Variants in RIMS2 observed in about 807,000 individuals in gnomAD.
RIMS2 encodes regulating synaptic membrane exocytosis protein 2.
A neutral mutation model predicts 174.4 loss-of-function variants in RIMS2; 59 were observed. That is an observed-to-expected ratio of 0.34 (90% CI 0.27 to 0.42). The LOEUF is 0.42. Among genes scored for constraint, RIMS2 ranks in the 10% least tolerant of loss-of-function variants. The pLI, the probability that RIMS2 is intolerant of heterozygous loss-of-function variation, is 1.00. For missense variants in RIMS2, 1,620 were observed against 1,666.3 expected (o/e 0.97, Z 0.48); for synonymous variants, 606 against 572.5 (o/e 1.06, Z -0.84).
At chr8:104,160,364 A>G (rs765561463) in intron 19 of RIMS2, among the ~76,000 whole-genome samples, 2 of 152,176 alleles carry the variant, frequency 1.3e-5, no homozygotes, top group Non-Finnish European at 2.9e-5. Flanking sequence ...TAACAATTTA[A>G]TCTCTTTAGA....
At chr8:103,837,764 T>A (rs1357215418) in intron 3 of RIMS2, among the ~76,000 whole-genome samples, 1 of 152,104 alleles carries the variant, frequency 6.6e-6, no homozygotes, top group African/African-American at 2.4e-5. Flanking sequence ...TCTATCATTG[T>A]TGGACATTTG....
chr8:103,667,278 A>C (rs972421402), intron 1 of RIMS2, among the ~76,000 whole-genome samples: 1 of 152,226 alleles, frequency 6.6e-6, no homozygotes, highest in Non-Finnish European at 1.5e-5. Context: ...ATTTTATTGG[A>C]TGTAGCATAA....
chr8:103,630,652 A>T (rs901605803), intron 1 of RIMS2, among the ~76,000 whole-genome samples: 2 of 151,878 alleles, frequency 1.3e-5, no homozygotes, highest in African/African-American at 4.8e-5. Flanking sequence ...TTGAAAGACT[A>T]TGATAAGTCA....
chr8:103,636,345 A>C (rs1371733925), intron 1 of RIMS2, among the ~76,000 whole-genome samples: 1 of 152,114 alleles, frequency 6.6e-6, no homozygotes, highest in Non-Finnish European at 1.5e-5. Context: ...AATTGTAAGT[A>C]TCTATCACTC....
chr8:103,877,199 A>G (rs1458704173), intron 3 of RIMS2, among the ~76,000 whole-genome samples: 1 of 151,382 alleles, frequency 6.6e-6, no homozygotes, highest in Non-Finnish European at 1.5e-5. Flanking sequence ...CTGCATCTAC[A>G]CCAACATTTA....
intron 4 of RIMS2, among the ~76,000 whole-genome samples, chr8:103,891,026 AT>A: frequency 6.6e-6 from 1 of 152,090 alleles, no homozygotes; most frequent in East Asian, 1.9e-4. Context: ...AGCCAGAAAT[AT>A]CCCCAGACAT....
intron 3 of RIMS2, among the ~76,000 whole-genome samples, chr8:103,805,376 T>C (rs2098643345): frequency 1.3e-5 from 2 of 152,128 alleles, no homozygotes; most frequent in Non-Finnish European, 2.9e-5. Context: ...GCAGCTACTC[T>C]TGTTTTTTTA....
At position 103,918,493 on chromosome 8, in the gene RIMS2, T is replaced by C; in HGVS notation, c.2083+6T>C. On this transcript the variant is annotated splice_donor_region_variant and intron_variant, in intron 9 of 23. Transcript: ENST00000504942. ...ACATGCACAACTGGAGTCCAGTAAG[T>C]TTTATTTATGCTGGAAGAAAACGTT... is the stretch of plus-strand genomic sequence containing the variant. 1 of 1,593,864 alleles carries C rather than the reference T, an allele frequency of 6.3e-7. No individual in the cohort carries two copies. Among genetic ancestry groups the C allele is most frequent in the Non-Finnish European group, 8.6e-7 (1 of 1,162,150 alleles).
At chr8:104,233,084 G>A (rs956167108) in intron 19 of RIMS2, among the ~76,000 whole-genome samples, 1 of 152,042 alleles carries the variant, frequency 6.6e-6, no homozygotes, top group African/African-American at 2.4e-5. Flanking sequence ...AGACAAGAAC[G>A]GGGGGAAATC....
intron 16 of RIMS2, among the ~76,000 whole-genome samples, chr8:103,986,990 T>C (rs1217607832): frequency 2.6e-5 from 4 of 152,040 alleles, no homozygotes; most frequent in Non-Finnish European, 5.9e-5. Context: ...AATTCCAGAC[T>C]AAAAAGTACT....
chr8:103,679,160 A>C (rs571988447), intron 1 of RIMS2, among the ~76,000 whole-genome samples: 1 of 152,152 alleles, frequency 6.6e-6, no homozygotes, highest in Admixed American at 6.6e-5. Flanking sequence ...CCAGAACACT[A>C]TATATCCTGA....
At chr8:104,011,168 G>A (rs2095750706) in intron 17 of RIMS2, among the ~76,000 whole-genome samples, 1 of 152,082 alleles carries the variant, frequency 6.6e-6, no homozygotes, top group South Asian at 2.1e-4. Flanking sequence ...AAGCTAGTCA[G>A]ACCTATTTTT....
At chr8:103,752,948 C>A (rs1426237761) in intron 2 of RIMS2, among the ~76,000 whole-genome samples, 1 of 151,870 alleles carries the variant, frequency 6.6e-6, no homozygotes, top group African/African-American at 2.4e-5. Context: ...CCTAATTGCC[C>A]TGGCCAGAAC....
intron 1 of RIMS2, among the ~76,000 whole-genome samples, chr8:103,567,223 T>G (rs767233550): frequency 2.0e-5 from 3 of 152,222 alleles, no homozygotes; most frequent in Non-Finnish European, 4.4e-5. Flanking sequence ...ATTTGGTACA[T>G]TTGCAGTGTT....
chr8:104,119,685 T>C (rs1334722832), intron 19 of RIMS2, among the ~76,000 whole-genome samples: 1 of 152,210 alleles, frequency 6.6e-6, no homozygotes, highest in Admixed American at 6.5e-5. Flanking sequence ...TCTTCTTTAG[T>C]AGTGTATTGT....
At chr8:103,847,128 C>G (rs768159075) in intron 3 of RIMS2, among the ~76,000 whole-genome samples, 22 of 152,018 alleles carry the variant, frequency 1.4e-4, no homozygotes, top group Non-Finnish European at 4.4e-5. Context: ...GTTGAAGCAT[C>G]CCCCACTTTA....
chr8:103,968,339 A>C (rs553211076), intron 15 of RIMS2, among the ~76,000 whole-genome samples: 21 of 152,184 alleles, frequency 1.4e-4, no homozygotes, highest in African/African-American at 5.1e-4. Flanking sequence ...TAAAGTGATT[A>C]TTGATATAGT....
intron 1 of RIMS2, among the ~76,000 whole-genome samples, chr8:103,580,014 C>T (rs1217549273): frequency 6.6e-6 from 1 of 152,118 alleles, no homozygotes; most frequent in South Asian, 2.1e-4. Flanking sequence ...GTGATCCAAT[C>T]ACCTCCCATC....
chr8:104,106,935 C>T (rs914427655), intron 19 of RIMS2, among the ~76,000 whole-genome samples: 2 of 151,870 alleles, frequency 1.3e-5, no homozygotes, highest in Admixed American at 1.3e-4. Flanking sequence ...GCCATAACAT[C>T]AGTATAGTGT....
Sources: allele counts gnomAD v4.1 joint callset (sites outside exome capture counted in the v4.1 genomes callset), GRCh38; gene constraint gnomAD v4.1.1; transcripts MANE v1.5; gene names NCBI Gene and HGNC (gene_info 2026-07-23, HGNC 2026-07-21).